The following MEGF10 variants were observed in gnomAD, a reference collection of about 807,000 sequenced individuals.
MEGF10 encodes the protein multiple EGF like domains 10.
In MEGF10, 86 loss-of-function variants were observed where a neutral mutation model predicts 147.5. The ratio of observed to expected loss-of-function variants is 0.58; its 90% CI spans 0.49 to 0.70. The LOEUF is 0.70. MEGF10 is among the 30% of genes least tolerant of loss of function. The pLI, the probability that MEGF10 is intolerant of heterozygous loss-of-function variation, is 0.00. For missense variants in MEGF10, 1,329 were observed against 1,487.3 expected (o/e 0.89, Z 1.75); for synonymous variants, 478 against 525.5 (o/e 0.91, Z 1.24).
In MEGF10 at chr5:127,447,550, C is replaced by G. The variant is rs1160983712; in HGVS notation, c.2729-7C>G. The G allele has an allele frequency of 6.8e-6, 11 of 1,613,836 alleles. No homozygotes were observed. Among genetic ancestry groups the G allele is most frequent in the African/African-American group, 1.3e-5 (1 of 74,922 alleles). ...GCTGCCTTAACCATTTCCTTCCCTTCTTGCAGGAACCCTTCCTCACAGCAA... is the reference window on the plus strand; with the variant it reads ...GCTGCCTTAACCATTTCCTTCCCTTGTTGCAGGAACCCTTCCTCACAGCAA... On this transcript the variant is annotated splice_region_variant and splice_polypyrimidine_tract_variant and intron_variant, in intron 20 of 24. Coordinates refer to ENST00000503335, the MANE Select transcript of MEGF10 (RefSeq NM_001256545.2).
chr5:127,248,586 G>C, the MEGF10 span, among the ~76,000 whole-genome samples: 18 of 152,038 alleles, frequency 1.2e-4, no homozygotes, highest in African/African-American at 4.1e-4. Flanking sequence ...ATTTCCCTCA[G>C]TGGCTCAAGA....
At chr5:127,267,898 A>AT in the MEGF10 span, among the ~76,000 whole-genome samples, 4 of 151,962 alleles carry the variant, frequency 2.6e-5, no homozygotes, top group African/African-American at 9.7e-5. Flanking sequence ...TTTTTGAAGG[A>AT]TTTTTTATGT....
At chr5:127,442,761 G>A (rs966755421) in intron 18 of MEGF10, among the ~76,000 whole-genome samples, 3 of 152,188 alleles carry the variant, frequency 2.0e-5, no homozygotes, top group African/African-American at 7.2e-5. Flanking sequence ...GCAGCTGAAA[G>A]TGTCAGGAGC....
At chr5:127,385,101 T>C (rs932594668) in intron 5 of MEGF10, among the ~76,000 whole-genome samples, 4 of 152,228 alleles carry the variant, frequency 2.6e-5, no homozygotes, top group African/African-American at 9.6e-5. Context: ...AGAGATATCT[T>C]CTTGAAAGTG....
Position 127,455,392 on chromosome 5 carries a change from T to C in MEGF10, c.3026-9T>C. On this transcript the variant is annotated splice_polypyrimidine_tract_variant and intron_variant, in intron 23 of 24. Transcript: ENST00000503335. ...AGCATTAGCTTTCTCTTCTCATTTC[T>C]CTTCACAGACCTGGGAAAGAATTCT... 1 of 1,611,804 alleles carries C rather than the reference T, an allele frequency of 6.2e-7. No homozygotes were observed. Among genetic ancestry groups the C allele is most frequent in the Non-Finnish European group, 8.5e-7 (1 of 1,178,614 alleles).
Position 127,396,797 on chromosome 5 carries a change from A to C in MEGF10, c.659+19A>C. On this transcript the variant is annotated intron_variant, in intron 6 of 24. Coordinates refer to ENST00000503335, the MANE Select transcript of MEGF10 (RefSeq NM_001256545.2). ...GAGCCTTGTAAGTCACATGCTGCCC[A>C]GCAGCAGAGCAGAGCCCACCCACCC... 1.2e-6 allele frequency: 2 copies of C among 1,605,124 alleles called. No individual in the cohort carries two copies. Among genetic ancestry groups the C allele is most frequent in the Non-Finnish European group, 1.7e-6 (2 of 1,174,274 alleles).
At chr5:127,417,538 A>G (rs1336197594) in intron 9 of MEGF10, 100 bp from the exon 10 acceptor site, 4 of 1,147,674 alleles carry the variant, frequency 3.5e-6, no homozygotes, top group African/African-American at 1.5e-5. Flanking sequence ...GCATGGAATT[A>G]CCCACACATT....
chr5:127,285,453 A>G, the MEGF10 span, among the ~76,000 whole-genome samples: 4 of 152,182 alleles, frequency 2.6e-5, no homozygotes, highest in African/African-American at 7.2e-5. Flanking sequence ...TATAAATTCT[A>G]TGTTAACAGA....
chr5:127,309,181 G>C (rs1760149470), intron 1 of MEGF10, among the ~76,000 whole-genome samples: 1 of 152,224 alleles, frequency 6.6e-6, no homozygotes, highest in South Asian at 2.1e-4. Flanking sequence ...ATGCAGATGA[G>C]TAGTGAAAAG....
chr5:127,329,771 G>T (rs539450570), intron 1 of MEGF10, among the ~76,000 whole-genome samples: 3 of 152,062 alleles, frequency 2.0e-5, no homozygotes, highest in African/African-American at 7.2e-5. Flanking sequence ...TTAAGAAATG[G>T]ATCAGTGATT....
At chr5:127,290,386 C>T (rs960908588), upstream of MEGF10, among the ~76,000 whole-genome samples, 11 of 152,170 alleles carry the variant, frequency 7.2e-5, no homozygotes, top group African/African-American at 2.4e-4. Flanking sequence ...GTTGGCCGCT[C>T]GGGCGCCGGC....
At chr5:127,313,668 A>G (rs942232608) in intron 1 of MEGF10, among the ~76,000 whole-genome samples, 1 of 152,192 alleles carries the variant, frequency 6.6e-6, no homozygotes, top group Non-Finnish European at 1.5e-5. Context: ...GATGTTAAAC[A>G]TGTTTCTTGC....
At chr5:127,368,839 C>T (rs538823986) in intron 4 of MEGF10, among the ~76,000 whole-genome samples, 6 of 152,196 alleles carry the variant, frequency 3.9e-5, no homozygotes, top group African/African-American at 1.2e-4. Context: ...GGAAATATTA[C>T]TGCCATTATA....
chr5:127,453,442 G>A (rs778858921), intron 22 of MEGF10, among the ~76,000 whole-genome samples: 5 of 152,192 alleles, frequency 3.3e-5, no homozygotes, highest in Admixed American at 6.5e-5. Context: ...TGCACTGAGC[G>A]TTAGAGTAAT....
chr5:127,359,594 G>A (rs764743632), intron 4 of MEGF10, among the ~76,000 whole-genome samples: 6 of 151,924 alleles, frequency 3.9e-5, no homozygotes, highest in Non-Finnish European at 5.9e-5. Flanking sequence ...AGATTGCTTC[G>A]TATTTTCTAG....
chr5:127,309,466 T>TG (rs753256685), intron 1 of MEGF10, among the ~76,000 whole-genome samples: 12 of 152,174 alleles, frequency 7.9e-5, no homozygotes, highest in Non-Finnish European at 1.6e-4. Flanking sequence ...CTCCAGCCCT[T>TG]GGCAACCACC....
the MEGF10 span, among the ~76,000 whole-genome samples, chr5:127,238,029 CTATATATATATA>C: frequency 7.9e-4 from 110 of 139,194 alleles, no homozygotes; most frequent in African/African-American, 2.4e-3. Flanking sequence ...AAACTTCAGA[CTATATATATATA>C]TATATATATA....
chr5:127,433,518 C>G lies in MEGF10; in HGVS notation c.1840+9C>G, dbSNP rs371418375. The G allele has an allele frequency of 6.9e-6, 11 of 1,584,790 alleles. No homozygotes were observed. The African/African-American group carries it at 1.5e-4, about 21-fold the overall frequency. On this transcript the variant is annotated intron_variant, in intron 14 of 24. Coordinates refer to ENST00000503335, the MANE Select transcript of MEGF10 (RefSeq NM_001256545.2). ...CACCACTTGTCAGAGGAGTAAGTGTCTCATTAGGCAGTAATTTCCACCTTC... is the reference window on the plus strand; with the variant it reads ...CACCACTTGTCAGAGGAGTAAGTGTGTCATTAGGCAGTAATTTCCACCTTC...
chr5:127,323,213 C>A (rs1433642737), intron 1 of MEGF10, among the ~76,000 whole-genome samples: 1 of 151,918 alleles, frequency 6.6e-6, no homozygotes, highest in Non-Finnish European at 1.5e-5. Flanking sequence ...AAAAAGTAAC[C>A]CAGTGAACAG....
Sources: gnomAD v4.1 joint callset for allele counts (sites outside exome capture counted in the v4.1 genomes callset) on GRCh38, gnomAD v4.1.1 for gene constraint, MANE v1.5 for transcripts, NCBI Gene and HGNC (gene_info 2026-07-23, HGNC 2026-07-21) for gene names.